The following SOX5 variants were observed in gnomAD, a reference collection of about 807,000 sequenced individuals.
SOX5 encodes transcription factor SOX-5.
SOX5 carries 9 observed loss-of-function variants against 92.0 expected under a neutral mutation model. That is an observed-to-expected ratio of 0.10 (90% CI 0.06 to 0.17). SOX5 has a LOEUF of 0.17. Ranked by LOEUF, SOX5 falls within the 10% of genes least tolerant of loss-of-function variation. The pLI is 1.00. For synonymous variants in SOX5, 344 were observed against 336.3 expected, an observed-to-expected ratio of 1.02 and a Z score of -0.25; for missense variants, 642 against 944.5, an observed-to-expected ratio of 0.68 and a Z score of 4.20.
intron 1 of SOX5, among the ~76,000 whole-genome samples, chr12:23,921,847 T>C (rs1368545930): frequency 6.6e-6 from 1 of 152,210 alleles, no homozygotes; most frequent in African/African-American, 2.4e-5. Flanking sequence ...GCAAAGCCAC[T>C]AGCAGAATCC....
At chr12:23,924,664 T>A (rs1002035397) in intron 1 of SOX5, among the ~76,000 whole-genome samples, 1 of 152,078 alleles carries the variant, frequency 6.6e-6, no homozygotes, top group Non-Finnish European at 1.5e-5. Context: ...AAATGTGAAA[T>A]TTAAAGGAAA....
intron 9 of SOX5, among the ~76,000 whole-genome samples, chr12:23,579,985 GA>G (rs1291031599): frequency 6.6e-6 from 1 of 152,030 alleles, no homozygotes; most frequent in Admixed American, 6.6e-5. Flanking sequence ...CACAAAGTAA[GA>G]GTTAAGAATT....
At chr12:24,470,404 C>G (rs1457628713) in intron 1 of SOX5, among the ~76,000 whole-genome samples, 1 of 152,060 alleles carries the variant, frequency 6.6e-6, no homozygotes, top group Non-Finnish European at 1.5e-5. Context: ...GGCTAAATAC[C>G]AAGAAAGAAT....
intron 4 of SOX5, among the ~76,000 whole-genome samples, chr12:23,995,753 C>G (rs942500208): frequency 6.6e-6 from 1 of 152,132 alleles, no homozygotes; most frequent in Admixed American, 6.6e-5. Context: ...AGAATTCACA[C>G]TAACAAGGAT....
At chr12:23,604,348 A>C in intron 9 of SOX5, 39 bp downstream of exon 9, 1 of 1,608,000 alleles carries the variant, frequency 6.2e-7, no homozygotes, top group Non-Finnish European at 8.5e-7. Flanking sequence ...ATGAAAAATA[A>C]AGCTAAGTGG....
At chr12:23,637,572 G>T (rs1470658307) in intron 8 of SOX5, among the ~76,000 whole-genome samples, 1 of 152,162 alleles carries the variant, frequency 6.6e-6, no homozygotes, top group East Asian at 1.9e-4. Context: ...TGGTGAGGGA[G>T]CTGAGGAGAG....
chr12:23,768,862 A>C (rs372394223), intron 3 of SOX5, among the ~76,000 whole-genome samples: 1 of 152,222 alleles, frequency 6.6e-6, no homozygotes, highest in East Asian at 1.9e-4. Context: ...GAGATTAAAA[A>C]TAAAGTGTTT....
chr12:23,689,605 CTATCA>C (rs779709748), intron 6 of SOX5, among the ~76,000 whole-genome samples: 34 of 152,148 alleles, frequency 2.2e-4, no homozygotes, highest in Non-Finnish European at 3.8e-4. Context: ...AGTGCATTCT[CTATCA>C]TGTCATTCCA....
chr12:23,574,710 A>G (rs79946805), intron 10 of SOX5, among the ~76,000 whole-genome samples: 2,396 of 152,226 alleles, frequency 0.016, 69 homozygotes, highest in African/African-American at 0.054. Flanking sequence ...TTTTTCTACA[A>G]TCTAGACAAA....
chr12:23,817,592 T>G (rs545121915), intron 3 of SOX5, among the ~76,000 whole-genome samples: 25 of 152,324 alleles, frequency 1.6e-4, no homozygotes, highest in Non-Finnish European at 2.9e-4. Context: ...TGTTTTTGCA[T>G]AAGCACTTAA....
intron 6 of SOX5, among the ~76,000 whole-genome samples, chr12:23,680,699 A>T (rs2086478402): frequency 6.6e-6 from 1 of 152,162 alleles, no homozygotes; most frequent in Non-Finnish European, 1.5e-5. Context: ...AAGGTCAGTC[A>T]ATACTCTGTT....
intron 3 of SOX5, among the ~76,000 whole-genome samples, chr12:23,817,153 A>G (rs1490705906): frequency 3.3e-5 from 5 of 152,202 alleles, no homozygotes; most frequent in African/African-American, 1.2e-4. Context: ...TTGGCTAAGC[A>G]TATATGTTTT....
At chr12:24,217,994 T>A (rs1444339494) in intron 3 of SOX5, among the ~76,000 whole-genome samples, 2 of 152,172 alleles carry the variant, frequency 1.3e-5, no homozygotes, top group African/African-American at 4.8e-5. Context: ...GGTGAGGCTA[T>A]AGAGACGTGG....
intron 4 of SOX5, among the ~76,000 whole-genome samples, chr12:24,092,561 C>A (rs951695288): frequency 3.3e-5 from 5 of 152,158 alleles, no homozygotes; most frequent in African/African-American, 1.2e-4. Context: ...CTGGAAGAAA[C>A]TGGTTAGACC....
chr12:23,623,238 G>T (rs935890764), intron 8 of SOX5, among the ~76,000 whole-genome samples: 1 of 152,084 alleles, frequency 6.6e-6, no homozygotes, highest in African/African-American at 2.4e-5. Flanking sequence ...CCTAACATAT[G>T]AACAGTAGAG....
chr12:24,000,279 AT>A (rs1323644898), intron 4 of SOX5, among the ~76,000 whole-genome samples: 3 of 151,848 alleles, frequency 2.0e-5, no homozygotes, highest in Non-Finnish European at 4.4e-5. Flanking sequence ...GTGGGTTAAT[AT>A]TTTAAAAACT....
At chr12:23,979,707 G>GTTTTTTTT (rs1177945407) in intron 4 of SOX5, among the ~76,000 whole-genome samples, 11 of 77,498 alleles carry the variant, frequency 1.4e-4, no homozygotes, top group African/African-American at 3.3e-4. Context: ...TGTTTTTTTT[G>GTTTTTTTT]TTTTTTTTTT....
intron 3 of SOX5, among the ~76,000 whole-genome samples, chr12:23,799,000 C>T (rs1047214800): frequency 2.0e-5 from 3 of 151,876 alleles, no homozygotes; most frequent in Non-Finnish European, 4.4e-5. Flanking sequence ...TGAAAATTGT[C>T]ATCGTACTAT....
intron 6 of SOX5, among the ~76,000 whole-genome samples, chr12:23,708,367 C>T (rs1452242052): frequency 6.7e-6 from 1 of 148,902 alleles, no homozygotes; most frequent in Admixed American, 6.7e-5. Flanking sequence ...GTGTGGAGAA[C>T]AGAAGAACGA....
Sources: allele counts gnomAD v4.1 joint callset (sites outside exome capture counted in the v4.1 genomes callset), GRCh38; gene constraint gnomAD v4.1.1; transcripts MANE v1.5; gene names NCBI Gene and HGNC (gene_info 2026-07-23, HGNC 2026-07-21).